PDCD1LG2: variants seen among roughly 807,000 people sequenced by gnomAD.
PDCD1LG2 encodes B7 dendritic cell molecule.
PDCD1LG2 carries 32 observed loss-of-function variants against 28.2 expected under a neutral mutation model. The ratio of observed to expected loss-of-function variants is 1.13; its 90% confidence interval spans 0.86 to 1.52. The LOEUF (loss-of-function observed/expected upper bound fraction) is 1.52. Ranked by LOEUF, PDCD1LG2 falls within the 40% of genes most tolerant of loss-of-function variation. PDCD1LG2 has a pLI of 0.00. For synonymous variants in PDCD1LG2, 116 were observed against 120.2 expected, an observed-to-expected ratio of 0.97 and a Z score of 0.23; for missense variants, 385 against 323.8, an observed-to-expected ratio of 1.19 and a Z score of -1.45.
intron 4 of PDCD1LG2, among the ~76,000 whole-genome samples, chr9:5,550,418 A>C (rs1020262923): frequency 1.6e-4 from 24 of 152,208 alleles, no homozygotes; most frequent in African/African-American, 5.3e-4. Context: ...TATGTTTTCT[A>C]ATGCTCTTAT....
intron 4 of PDCD1LG2, among the ~76,000 whole-genome samples, chr9:5,553,344 T>C (rs1172052139): frequency 6.6e-6 from 1 of 152,186 alleles, no homozygotes. Context: ...TAAAGAGGAT[T>C]AAATATGAGC....
chr9:5,561,120 G>A (rs770088287), intron 5 of PDCD1LG2, among the ~76,000 whole-genome samples: 1 of 152,160 alleles, frequency 6.6e-6, no homozygotes, highest in Non-Finnish European at 1.5e-5. Context: ...ATATGCAGGT[G>A]AGTATGCTAG....
intron 1 of PDCD1LG2, among the ~76,000 whole-genome samples, chr9:5,520,035 T>C (rs1820243962): frequency 6.6e-6 from 1 of 152,124 alleles, no homozygotes; most frequent in Admixed American, 6.5e-5. Flanking sequence ...TTCAATGCAA[T>C]CCCTACCAAA....
At chr9:5,557,466 T>C (rs1816467666) in intron 4 of PDCD1LG2, 152 bp from the exon 5 acceptor site, 1 of 852,052 alleles carries the variant, frequency 1.2e-6, no homozygotes, top group Non-Finnish European at 1.9e-6. Flanking sequence ...GTGGATGAGC[T>C]GATAGGTGCA....
Position 5,535,008 on chromosome 9 carries a change from G to A in PDCD1LG2, c.319G>A (p.Gly107Arg), listed in dbSNP as rs868735649. 5 of 1,613,486 alleles carry A rather than the reference G, an allele frequency of 3.1e-6. No homozygotes were observed. The East Asian group carries it at 6.7e-5, about 22-fold the overall frequency. Residue 107 changes from glycine to arginine, a missense_variant, in exon 3 of 7, where the codon GGG (glycine) becomes AGG (arginine). By Grantham distance (125) the Gly-to-Arg change is moderately radical. Coordinates refer to ENST00000397747, the MANE Select transcript of PDCD1LG2 (RefSeq NM_025239.4). ...EGQYQCIIIY[G>R]VAWDYKYLTL... ...ACAGTACCAATGCATAATCATCTAT[G>A]GGGTCGCCTGGGACTACAAGTACCT...
chr9:5,513,711 C>A (rs1820104155), intron 1 of PDCD1LG2, among the ~76,000 whole-genome samples: 1 of 152,136 alleles, frequency 6.6e-6, no homozygotes, highest in Non-Finnish European at 1.5e-5. Flanking sequence ...GTTTAGAGAT[C>A]AAATAATTAC....
At chr9:5,522,735 G>C in intron 2 of PDCD1LG2, 134 bp downstream of exon 2, 1 of 673,210 alleles carries the variant, frequency 1.5e-6, no homozygotes, top group Non-Finnish European at 2.4e-6. Flanking sequence ...GCTATTCCAA[G>C]CACCACAAAA....
intron 3 of PDCD1LG2, among the ~76,000 whole-genome samples, chr9:5,539,221 A>C (rs1820642529): frequency 6.6e-6 from 1 of 152,222 alleles, no homozygotes; most frequent in Non-Finnish European, 1.5e-5. Context: ...AGGTGAGAAG[A>C]GCATACTGCA....
chr9:5,555,305 T>A (rs1430579389), intron 4 of PDCD1LG2, among the ~76,000 whole-genome samples: 1 of 152,034 alleles, frequency 6.6e-6, no homozygotes, highest in African/African-American at 2.4e-5. Flanking sequence ...TAATCCCAGC[T>A]ACTCAAGAGG....
chr9:5,553,459 T>C (rs542677270), intron 4 of PDCD1LG2, among the ~76,000 whole-genome samples: 2 of 152,348 alleles, frequency 1.3e-5, no homozygotes, highest in South Asian at 4.1e-4. Context: ...GGATGAATTG[T>C]AGTTTTCTAG....
At chr9:5,560,749 C>A (rs1816542331) in intron 5 of PDCD1LG2, among the ~76,000 whole-genome samples, 1 of 152,058 alleles carries the variant, frequency 6.6e-6, no homozygotes, top group African/African-American at 2.4e-5. Flanking sequence ...TGGTCCCTTT[C>A]CTTCCAGATG....
intron 1 of PDCD1LG2, among the ~76,000 whole-genome samples, chr9:5,521,157 A>C (rs1481794410): frequency 2.0e-5 from 3 of 152,206 alleles, no homozygotes; most frequent in Non-Finnish European, 1.5e-5. Context: ...AAATATCCAG[A>C]ATAAGCAATT....
intron 3 of PDCD1LG2, among the ~76,000 whole-genome samples, chr9:5,539,552 G>C (rs1820649719): frequency 1.3e-5 from 2 of 152,240 alleles, no homozygotes; most frequent in African/African-American, 2.4e-5. Context: ...TTCTGGAAGA[G>C]ACAGTGATAA....
intron 4 of PDCD1LG2, among the ~76,000 whole-genome samples, chr9:5,555,710 A>G (rs1340371070): frequency 6.6e-6 from 1 of 152,244 alleles, no homozygotes; most frequent in Non-Finnish European, 1.5e-5. Context: ...AAGCTCAGTC[A>G]GTGCCAAACC....
chr9:5,530,383 C>A (rs1029139943), intron 2 of PDCD1LG2, among the ~76,000 whole-genome samples: 3 of 151,678 alleles, frequency 2.0e-5, no homozygotes, highest in African/African-American at 4.9e-5. Flanking sequence ...TGTCTAATAC[C>A]TTCAGGAGTT....
chr9:5,510,595 CGCCAAATTTTGAGT>C lies in PDCD1LG2; in HGVS notation c.-220_-207del, dbSNP rs1820038479. The C allele has an allele frequency of 1.3e-5, 2 of 152,634 alleles. No individual in the cohort carries two copies. The highest frequency in any genetic ancestry group is 4.8e-5 in the African/African-American group (2 of 41,442). The allele number at this position is 152,634 out of a possible 1,614,324, so 9.5% of individuals were successfully genotyped here. On this transcript the variant is annotated 5_prime_UTR_variant, in exon 1 of 7. An upstream open reading frame in the 5' UTR gains an earlier in-frame stop. Transcript: ENST00000397747. ...TTTTCTTCTCTTGAATATATCTTAA[CGCCAAATTTTGAGT>C]GCTTTTTTGTTACCCATCCTCATAT...
chr9:5,565,884 C>T (rs1029229976), intron 6 of PDCD1LG2, among the ~76,000 whole-genome samples: 10 of 152,032 alleles, frequency 6.6e-5, no homozygotes, highest in African/African-American at 2.4e-4. Flanking sequence ...AGTTTCAGAA[C>T]ATTTTTTAAA....
At chr9:5,525,555 A>T (rs1820357886) in intron 2 of PDCD1LG2, among the ~76,000 whole-genome samples, 1 of 151,678 alleles carries the variant, frequency 6.6e-6, no homozygotes, top group Non-Finnish European at 1.5e-5. Flanking sequence ...TTACAAAAAC[A>T]TATGACTACA....
chr9:5,567,418 G>GT (rs1312831739), intron 6 of PDCD1LG2, among the ~76,000 whole-genome samples: 4 of 152,188 alleles, frequency 2.6e-5, no homozygotes, highest in African/African-American at 9.7e-5. Context: ...AACTTTATCT[G>GT]TGCTACTATT....
Sources: allele counts gnomAD v4.1 joint callset (sites outside exome capture counted in the v4.1 genomes callset), GRCh38; gene constraint gnomAD v4.1.1; transcripts MANE v1.5; gene names NCBI Gene and HGNC (gene_info 2026-07-23, HGNC 2026-07-21).